Variants in PIGU observed in about 807,000 individuals in gnomAD.
PIGU encodes the protein phosphatidylinositol glycan anchor biosynthesis class U.
Under a neutral mutation model 49.9 loss-of-function variants are expected in PIGU, and 24 were observed. The observed-to-expected ratio is 0.48, with a 90% CI of 0.35 to 0.68. PIGU has a LOEUF of 0.68. Among genes scored for constraint, PIGU ranks in the 30% least tolerant of loss-of-function variants. PIGU has a pLI of 0.01. For synonymous variants in PIGU, 220 were observed against 205.7 expected, an observed-to-expected ratio of 1.07 and a Z score of -0.59; for missense variants, 490 against 532.6, an observed-to-expected ratio of 0.92 and a Z score of 0.79.
chr20:34,588,638 G>C, intron 7 of PIGU, 31 bp from the exon 8 acceptor site: 1 of 1,598,380 alleles, frequency 6.3e-7, no homozygotes, highest in South Asian at 1.1e-5. Context: ...TATAAACTTA[G>C]GGATGTAAAC....
chr20:34,584,820 T>C (rs1272203198), intron 9 of PIGU, among the ~76,000 whole-genome samples: 3 of 151,738 alleles, frequency 2.0e-5, no homozygotes, highest in Non-Finnish European at 4.4e-5. Context: ...CCAGAGTAGC[T>C]GGGACTATAG....
chr20:34,628,749 G>A (rs556734006), intron 6 of PIGU, among the ~76,000 whole-genome samples: 12 of 152,284 alleles, frequency 7.9e-5, no homozygotes, highest in Non-Finnish European at 1.8e-4. Flanking sequence ...TACTTGAGAA[G>A]TTGAGGCACA....
intron 7 of PIGU, among the ~76,000 whole-genome samples, chr20:34,603,419 T>G (rs1456688729): frequency 6.6e-6 from 1 of 152,218 alleles, no homozygotes; most frequent in Non-Finnish European, 1.5e-5. Context: ...GCAGGACAAA[T>G]ACTTATTTTT....
intron 1 of PIGU, among the ~76,000 whole-genome samples, chr20:34,668,461 C>CA (rs1209882512): frequency 0.029 from 597 of 20,676 alleles, 15 homozygotes; most frequent in African/African-American, 0.057. Context: ...GACTCCGTCT[C>CA]AAAAAAAAAA....
intron 1 of PIGU, among the ~76,000 whole-genome samples, chr20:34,658,954 G>A (rs1353561833): frequency 1.3e-5 from 2 of 149,102 alleles, no homozygotes; most frequent in Non-Finnish European, 3.0e-5. Flanking sequence ...AGGCGGAGGG[G>A]TCAGCCCCCC....
At chr20:34,567,989 A>G (rs935854385) in intron 11 of PIGU, among the ~76,000 whole-genome samples, 2 of 152,056 alleles carry the variant, frequency 1.3e-5, no homozygotes, top group African/African-American at 2.4e-5. Context: ...TGTCCTGCCC[A>G]TGTCTTTTCC....
At position 34,581,594 on chromosome 20, in the gene PIGU, C is replaced by T. The variant is rs146446722; in HGVS notation, c.1005G>A (p.Val335=). 1.2e-6 allele frequency: 2 copies of T among 1,613,918 alleles called. No homozygotes were observed. Among genetic ancestry groups the T allele is most frequent in the African/African-American group, 1.3e-5 (1 of 74,924 alleles). The part of the protein sequence containing the change: ...IFKSYPTVGD[V]ALYMAFFPVW... ...CGGGGAAGAAGGCCATGTAGAGCGCCACGTCCCCCACTGTCGGGTAGGACT... is the reference window on the plus strand; with the variant it reads ...CGGGGAAGAAGGCCATGTAGAGCGCTACGTCCCCCACTGTCGGGTAGGACT... Residue 335 remains valine (V), a synonymous_variant, in exon 10 of 12, where the codon GTG becomes GTA. Transcript: ENST00000217446.
rs774756060 is a variant in PIGU, at chr20:34,616,142, G to T, written c.530-3C>A. ...AATAGCACTGAGGAAAGCACTGCCT[G>T]TAAAAAGAAAGAAATGTATGGAATA... is the stretch of plus-strand genomic sequence containing the variant. On this transcript the variant is annotated splice_region_variant and splice_polypyrimidine_tract_variant and intron_variant, in intron 6 of 11. Transcript: ENST00000217446. 8 of 1,611,732 alleles carry T rather than the reference G, an allele frequency of 5.0e-6. No homozygotes were observed. In the Admixed American group the frequency reaches 1.3e-4, roughly 27 times the overall value.
intron 6 of PIGU, among the ~76,000 whole-genome samples, chr20:34,624,251 G>A (rs6142206): frequency 0.3 from 45,506 of 151,760 alleles, 8,704 homozygotes; most frequent in Non-Finnish European, 0.42. Flanking sequence ...GTTATTACAC[G>A]CCTCCATACC....
chr20:34,591,712 A>ATTT (rs1983996313), intron 7 of PIGU, among the ~76,000 whole-genome samples: 4 of 152,266 alleles, frequency 2.6e-5, no homozygotes, highest in Admixed American at 2.6e-4. Flanking sequence ...TTTCAAGTAT[A>ATTT]CAATATATTA....
intron 4 of PIGU, among the ~76,000 whole-genome samples, chr20:34,641,283 G>A (rs934891904): frequency 6.6e-6 from 1 of 152,152 alleles, no homozygotes; most frequent in African/African-American, 2.4e-5. Context: ...AACTATGGTG[G>A]GGTCGGGGAG....
intron 4 of PIGU, among the ~76,000 whole-genome samples, chr20:34,642,867 T>G (rs1986214476): frequency 6.6e-6 from 1 of 151,260 alleles, no homozygotes; most frequent in Admixed American, 6.6e-5. Context: ...AATTGATTCT[T>G]ATGCCTCAGC....
chr20:34,623,480 G>A (rs1474699967), intron 6 of PIGU, among the ~76,000 whole-genome samples: 3 of 152,110 alleles, frequency 2.0e-5, no homozygotes, highest in Non-Finnish European at 4.4e-5. Flanking sequence ...TCCATGAAGT[G>A]GGTACAATTA....
chr20:34,666,359 G>C lies in PIGU; in HGVS notation c.131-9115C>G, dbSNP rs534912699. 1.4e-4 allele frequency among the ~76,000 whole-genome samples: 21 copies of C among 151,862 alleles called. No individual in the cohort carries two copies. In the South Asian group the frequency reaches 2.9e-3, roughly 21 times the overall value. ...ATAAAACCTGTGAAAATACACCAGA[G>C]CATCCAAGTAACATTTCTCACTTCA... is the stretch of plus-strand genomic sequence containing the variant. On this transcript the variant is annotated intron_variant, in intron 1 of 11. Transcript: ENST00000217446.
intron 6 of PIGU, among the ~76,000 whole-genome samples, chr20:34,624,317 G>C (rs1000123816): frequency 9.8e-5 from 15 of 152,330 alleles, no homozygotes; most frequent in African/African-American, 3.6e-4. Context: ...CCATGCTGCA[G>C]ATAAGGAAAC....
chr20:34,644,082 C>A, intron 4 of PIGU, 82 bp downstream of exon 4: 1 of 1,295,998 alleles, frequency 7.7e-7, no homozygotes, highest in Non-Finnish European at 1.1e-6. Context: ...CATCTGGATC[C>A]TTAAGTATAA....
chr20:34,667,124 G>T (rs1376797537), intron 1 of PIGU, among the ~76,000 whole-genome samples: 1 of 152,168 alleles, frequency 6.6e-6, no homozygotes, highest in Non-Finnish European at 1.5e-5. Context: ...TTACAGGCAT[G>T]AGCCACTATG....
intron 11 of PIGU, among the ~76,000 whole-genome samples, chr20:34,567,005 A>G (rs1443992945): frequency 1.3e-5 from 2 of 152,240 alleles, no homozygotes; most frequent in Non-Finnish European, 2.9e-5. Context: ...GTCCACCACC[A>G]GGGCTGCAGA....
At chr20:34,660,200 C>T (rs923502458) in intron 1 of PIGU, among the ~76,000 whole-genome samples, 15 of 152,042 alleles carry the variant, frequency 9.9e-5, no homozygotes, top group Non-Finnish European at 2.2e-4. Context: ...TGGCGTACTC[C>T]ATCCATAGTA....
Sources: gnomAD v4.1 joint callset for allele counts (sites outside exome capture counted in the v4.1 genomes callset) on GRCh38, gnomAD v4.1.1 for gene constraint, MANE v1.5 for transcripts, NCBI Gene and HGNC (gene_info 2026-07-23, HGNC 2026-07-21) for gene names.